Variants in COX10 observed in about 807,000 individuals in gnomAD.
COX10 encodes the protein cytochrome c oxidase assembly factor heme A:farnesyltransferase COX10.
Under a neutral mutation model 37.3 loss-of-function variants are expected in COX10, and 27 were observed. The ratio of observed to expected loss-of-function variants is 0.72; its 90% CI spans 0.53 to 1.00. COX10 has a LOEUF of 1.00. Ranked by LOEUF, COX10 falls within the 50% of genes least tolerant of loss-of-function variation. COX10 has a pLI of 0.00. For missense variants in COX10, 475 were observed against 563.2 expected (o/e 0.84, Z 1.59); for synonymous variants, 222 against 229.1 (o/e 0.97, Z 0.28).
At chr17:14,101,994 G>A in intron 3 of COX10, 124 bp from the exon 4 acceptor site, 1 of 1,197,430 alleles carries the variant, frequency 8.4e-7, no homozygotes, top group East Asian at 2.4e-5. Context: ...AGATCAGCCT[G>A]TACTTTGTGT....
At chr17:14,078,720 A>T (rs1915213734) in intron 3 of COX10, among the ~76,000 whole-genome samples, 1 of 152,174 alleles carries the variant, frequency 6.6e-6, no homozygotes, top group African/African-American at 2.4e-5. Context: ...AAACTAACTT[A>T]CCCAAAATAT....
At chr17:14,172,831 G>A (rs1472381867) in intron 5 of COX10, among the ~76,000 whole-genome samples, 2 of 151,994 alleles carry the variant, frequency 1.3e-5, no homozygotes, top group East Asian at 3.9e-4. Context: ...GGGATTACAA[G>A]TGCGAGCCAA....
At chr17:14,166,002 C>T (rs1299945600) in intron 5 of COX10, among the ~76,000 whole-genome samples, 1 of 152,172 alleles carries the variant, frequency 6.6e-6, no homozygotes, top group African/African-American at 2.4e-5. Flanking sequence ...TTGAAGCTGA[C>T]AGGGATTGGT....
chr17:14,183,304 G>A (rs1597540903), intron 5 of COX10, among the ~76,000 whole-genome samples: 1 of 151,890 alleles, frequency 6.6e-6, no homozygotes, highest in Admixed American at 6.6e-5. Flanking sequence ...GAATTTTTTT[G>A]TTCAAGAAAA....
In COX10 at chr17:14,177,356, C is replaced by G. The variant is rs982856370; in HGVS notation, c.696-14633C>G. ...CCAACTCCATGTGTCTGAGGTATCA[C>G]TTATAGTTTAAAAAAAATGATTGTC... On this transcript the variant is annotated intron_variant, in intron 5 of 6. Coordinates refer to ENST00000261643, the MANE Select transcript of COX10 (RefSeq NM_001303.4). 1.5e-5 allele frequency: 8 copies of G among 546,262 alleles called. No homozygotes were observed. In the African/African-American group the frequency reaches 1.6e-4, roughly 11 times the overall value. 33.8% of individuals were successfully genotyped at this position (546,262 alleles called of 1,614,324 possible). A position where few individuals can be genotyped will look rare whatever the true frequency, so the allele number is the denominator to read the frequency against.
intron 3 of COX10, among the ~76,000 whole-genome samples, chr17:14,081,965 G>C (rs960981492): frequency 2.0e-5 from 3 of 152,180 alleles, no homozygotes; most frequent in Admixed American, 1.3e-4. Flanking sequence ...TGGAATTTGA[G>C]TTGCTACTGG....
intron 4 of COX10, among the ~76,000 whole-genome samples, chr17:14,113,731 G>A (rs1348387040): frequency 6.6e-6 from 1 of 152,118 alleles, no homozygotes; most frequent in African/African-American, 2.4e-5. Context: ...AAGTCACAGA[G>A]ACTCAAAATT....
At chr17:14,120,433 C>T (rs1224044414) in intron 4 of COX10, among the ~76,000 whole-genome samples, 3 of 152,058 alleles carry the variant, frequency 2.0e-5, no homozygotes, top group Non-Finnish European at 4.4e-5. Flanking sequence ...TTGCAGAGGA[C>T]ATAAAGAAGA....
intron 5 of COX10, among the ~76,000 whole-genome samples, chr17:14,189,856 A>T (rs1225676170): frequency 1.3e-5 from 2 of 152,182 alleles, no homozygotes; most frequent in Non-Finnish European, 2.9e-5. Context: ...CTCCATCAGG[A>T]TGCTTGGCTT....
rs1257597590 is a variant in COX10 at position 14,076,799 on chromosome 17, C to T, written c.242C>T (p.Ser81Phe). 6.2e-7 allele frequency: 1 copy of T among 1,614,168 alleles called. No homozygotes were observed. Residue 81 changes from serine to phenylalanine, a missense_variant, in exon 3 of 7, where the codon TCT (serine) becomes TTT (phenylalanine). Ser to Phe is a radical substitution (Grantham distance 155). This residue lies in a region of COX10 where 242 missense variants were observed against 242.5 expected (regional missense o/e 1.00). Transcript: ENST00000261643. ...AGACCCAAGCCAGAACCAGTAGCAT[C>T]TCCTTTCCTTGAAAAAACATCTTCA... ...QVRPKPEPVA[S>F]PFLEKTSSGQ...
intron 3 of COX10, among the ~76,000 whole-genome samples, chr17:14,079,860 G>A (rs62054148): frequency 0.14 from 1,023 of 7,282 alleles, 6 homozygotes; most frequent in African/African-American, 0.26. Context: ...ATATATATAT[G>A]TATGTATGTA....
At chr17:14,076,216 C>T (rs564420971) in intron 2 of COX10, among the ~76,000 whole-genome samples, 7 of 149,294 alleles carry the variant, frequency 4.7e-5, no homozygotes, top group Admixed American at 2.7e-4. Context: ...ACAATCCTGC[C>T]TTAGCCTCCC....
At chr17:14,206,674 G>A in intron 6 of COX10, 136 bp from the exon 7 acceptor site, 1 of 1,097,110 alleles carries the variant, frequency 9.1e-7, no homozygotes, top group Non-Finnish European at 1.4e-6. Context: ...TGTGATGTAG[G>A]CAGGCAGCGA....
At chr17:14,102,578 G>A (rs967848500) in intron 4 of COX10, among the ~76,000 whole-genome samples, 5 of 152,014 alleles carry the variant, frequency 3.3e-5, no homozygotes, top group African/African-American at 1.2e-4. Context: ...GCTTGTCATT[G>A]TGCACTACTC....
chr17:14,121,484 T>C (rs1916227839), intron 4 of COX10, among the ~76,000 whole-genome samples: 1 of 152,190 alleles, frequency 6.6e-6, no homozygotes, highest in Non-Finnish European at 1.5e-5. Context: ...TCCTGATGGC[T>C]GTATACCACG....
At chr17:14,168,158 G>A (rs1567606466) in intron 5 of COX10, among the ~76,000 whole-genome samples, 1 of 152,166 alleles carries the variant, frequency 6.6e-6, no homozygotes, top group Non-Finnish European at 1.5e-5. Flanking sequence ...GGGGCTACAG[G>A]CCCCATGCAT....
At chr17:14,188,221 A>G (rs1906097995) in intron 5 of COX10, among the ~76,000 whole-genome samples, 1 of 149,634 alleles carries the variant, frequency 6.7e-6, no homozygotes, top group South Asian at 2.1e-4. Context: ...GGGAAAAAAA[A>G]AAATCTGTTC....
chr17:14,116,166 T>C (rs1916104127), intron 4 of COX10, among the ~76,000 whole-genome samples: 1 of 152,110 alleles, frequency 6.6e-6, no homozygotes, highest in African/African-American at 2.4e-5. Flanking sequence ...TTTGAAGGCT[T>C]TTAAAAGTTA....
chr17:14,147,292 T>C (rs532571430), intron 4 of COX10, among the ~76,000 whole-genome samples: 15 of 152,294 alleles, frequency 9.8e-5, no homozygotes, highest in Admixed American at 9.2e-4. Context: ...GTGGTACTTA[T>C]ACACAGTGGA....
Sources: gnomAD v4.1 joint callset for allele counts (sites outside exome capture counted in the v4.1 genomes callset) on GRCh38, gnomAD v4.1.1 for gene constraint, gnomAD v4.1.1 regional missense constraint, MANE v1.5 for transcripts, NCBI Gene and HGNC (gene_info 2026-07-23, HGNC 2026-07-21) for gene names.